The following NR2C2 variants were observed in gnomAD, a reference collection of about 807,000 sequenced individuals.
NR2C2 encodes the protein nuclear receptor subfamily 2 group C member 2, also known as Nuclear hormone receptor TR4.
A neutral mutation model predicts 62.9 loss-of-function variants in NR2C2; 6 were observed. The observed-to-expected ratio is 0.10, with a 90% CI of 0.05 to 0.19. The LOEUF (loss-of-function observed/expected upper bound fraction) is 0.19, where lower values mean the gene tolerates loss of function less well. NR2C2 is among the 10% of genes least tolerant of loss of function. The pLI, the probability that NR2C2 is intolerant of heterozygous loss-of-function variation, is 1.00. For missense variants in NR2C2, 479 were observed against 762.7 expected (o/e 0.63, Z 4.38); for synonymous variants, 272 against 273.8 (o/e 0.99, Z 0.07).
In NR2C2 at chr3:15,032,368, C is replaced by T. The variant is rs773920639; in HGVS notation, c.1111-11C>T. Reference sequence around the variant, plus strand: ...CTTCACCTCCTGTGCCATGTGCCTCCTCTTTTCCAGCTAACAATGCCCAGT... The same window carrying T: ...CTTCACCTCCTGTGCCATGTGCCTCTTCTTTTCCAGCTAACAATGCCCAGT... On this transcript the variant is annotated splice_polypyrimidine_tract_variant and intron_variant, in intron 9 of 13. Coordinates refer to ENST00000425241, the MANE Select transcript of NR2C2 (RefSeq NM_001291694.2). 8 of 1,614,090 alleles carry T rather than the reference C, an allele frequency of 5.0e-6. No homozygotes were observed. In the Admixed American group the frequency reaches 5.0e-5, roughly 10 times the overall value.
intron 1 of NR2C2, among the ~76,000 whole-genome samples, chr3:14,952,311 C>T (rs1368994604): frequency 3.9e-5 from 6 of 152,012 alleles, no homozygotes; most frequent in Non-Finnish European, 7.3e-5. Context: ...TCAGCCGTGG[C>T]ACTGAGCCAC....
chr3:14,950,454 C>A (rs2039319732), intron 1 of NR2C2, among the ~76,000 whole-genome samples: 1 of 146,018 alleles, frequency 6.8e-6, no homozygotes. Flanking sequence ...ATCTGTGGTA[C>A]CCCTAGCTTC....
chr3:15,037,209 TTGTGTGTGTGTG>T (rs373045181), intron 11 of NR2C2, among the ~76,000 whole-genome samples: 3,333 of 130,282 alleles, frequency 0.026, 103 homozygotes, highest in African/African-American at 0.09. Context: ...TGTTTTTTGT[TTGTGTGTGTGTG>T]TGTGTGTGTG....
Position 15,020,911 on chromosome 3 carries a change from G to C in NR2C2, c.535G>C (p.Glu179Gln). ...GTTTTGCCGGCTGAAAAAATGCTTAGAGATGGGCATGAAAATGGAATGTGA... is the reference window on the plus strand; with the variant it reads ...GTTTTGCCGGCTGAAAAAATGCTTACAGATGGGCATGAAAATGGAATGTGA... The part of the protein sequence containing the change: ...CQFCRLKKCL[E>Q]MGMKMESVQS... Residue 179 changes from glutamate to glutamine, a missense_variant, in exon 5 of 14, where the codon GAG (glutamate) becomes CAG (glutamine). Physicochemically the swap from Glu to Gln is conservative, Grantham distance 29 (BLOSUM62 2). Around this residue, in one of 4 missense-constraint regions of NR2C2, gnomAD observed 51 missense variants for 137.5 expected, o/e 0.37. Transcript: ENST00000425241. 1 of 1,614,128 alleles carries C rather than the reference G, an allele frequency of 6.2e-7. No homozygotes were observed. Among genetic ancestry groups the C allele is most frequent in the Non-Finnish European group, 8.5e-7 (1 of 1,179,978 alleles).
At chr3:15,023,040 A>G (rs974487313) in intron 5 of NR2C2, among the ~76,000 whole-genome samples, 160 bp from the exon 6 acceptor site, 1 of 152,004 alleles carries the variant, frequency 6.6e-6, no homozygotes. Flanking sequence ...GTTTGGCTTT[A>G]TTCCTTCTCT....
At chr3:15,032,637 A>G (rs2042009954) in intron 10 of NR2C2, 137 bp downstream of exon 10, 1 of 1,004,842 alleles carries the variant, frequency 1.0e-6, no homozygotes, top group Non-Finnish European at 1.5e-6. Flanking sequence ...GTTTTTTATT[A>G]AATATAGTTA....
At chr3:15,004,728 TTC>T (rs2041119016) in intron 2 of NR2C2, 1 of 1,228,736 alleles carries the variant, frequency 8.1e-7, no homozygotes, top group Admixed American at 2.6e-5. Context: ...AACGGTTGAT[TTC>T]TCTGTTTTTC....
intron 1 of NR2C2, among the ~76,000 whole-genome samples, chr3:15,001,749 C>T (rs969071664): frequency 2.0e-5 from 3 of 152,018 alleles, no homozygotes; most frequent in Admixed American, 6.6e-5. Flanking sequence ...ACTGAGTACC[C>T]GGGACTTACA....
At chr3:15,004,493 TAAC>T in intron 2 of NR2C2, 1 of 1,438,234 alleles carries the variant, frequency 7.0e-7, no homozygotes, top group Non-Finnish European at 9.4e-7. Context: ...AATTATATAA[TAAC>T]TTATTACTAA....
intron 5 of NR2C2, 78 bp from the exon 6 acceptor site, chr3:15,023,122 G>T: frequency 7.3e-6 from 11 of 1,514,284 alleles, no homozygotes; most frequent in Non-Finnish European, 7.2e-6. Flanking sequence ...CTGCAGTAAT[G>T]GATTTGGGGT....
intron 13 of NR2C2, among the ~76,000 whole-genome samples, chr3:15,041,210 T>C (rs150511617): frequency 2.6e-5 from 4 of 152,342 alleles, no homozygotes; most frequent in African/African-American, 9.6e-5. Context: ...TATCTTGATA[T>C]TTACTGTCTG....
intron 8 of NR2C2, 69 bp from the exon 9 acceptor site, chr3:15,030,206 T>A: frequency 7.7e-7 from 1 of 1,299,808 alleles, no homozygotes; most frequent in African/African-American, 1.5e-5. Context: ...TTCTAAATCA[T>A]AGCTAGAATT....
rs1181555354 is a variant in NR2C2, at chr3:15,047,494, G to T, written c.*4486G>T. On this transcript the variant is annotated 3_prime_UTR_variant, in exon 14 of 14. Transcript: ENST00000425241. ...CTGGAAGGAACTTGGCAGTTGGGTT[G>T]AGCCATCAGCCTTCCCAGCTATTCA... The T allele has an allele frequency of 6.6e-6, 1 of 152,216 alleles. No individual in the cohort carries two copies. Among genetic ancestry groups the T allele is most frequent in the Non-Finnish European group, 1.5e-5 (1 of 68,042 alleles). 9.4% of individuals were successfully genotyped at this position (152,216 alleles called of 1,614,324 possible).
intron 1 of NR2C2, among the ~76,000 whole-genome samples, chr3:14,982,733 A>G (rs867232397): frequency 6.6e-6 from 1 of 152,114 alleles, no homozygotes; most frequent in Non-Finnish European, 1.5e-5. Context: ...TGACAGTCTT[A>G]TCTTTTTCTT....
At chr3:14,993,841 A>C (rs978813399) in intron 1 of NR2C2, among the ~76,000 whole-genome samples, 2 of 152,178 alleles carry the variant, frequency 1.3e-5, no homozygotes, top group Non-Finnish European at 2.9e-5. Flanking sequence ...CAAGGGAATA[A>C]ATAAAATTTG....
rs1046939597 is a variant in NR2C2, at chr3:15,046,994, C to T, written c.*3986C>T. On this transcript the variant is annotated 3_prime_UTR_variant, in exon 14 of 14. Transcript: ENST00000425241. ...ACCAGCGTGCACTTCGTATGTCCAG[C>T]CCTGGGTCCCTTCAGCAGCATTGTG... 1.3e-5 allele frequency: 2 copies of T among 152,666 alleles called. No individual in the cohort carries two copies. The highest frequency in any genetic ancestry group is 2.9e-5 in the Non-Finnish European group (2 of 68,054). 9.5% of individuals were successfully genotyped at this position (152,666 alleles called of 1,614,324 possible).
chr3:14,948,105 A>C (rs1250120369), intron 1 of NR2C2, 199 bp downstream of exon 1: 2 of 151,202 alleles, frequency 1.3e-5, no homozygotes, highest in Non-Finnish European at 3.0e-5. Flanking sequence ...GGGCGAAGCG[A>C]GCGGGTTCCC....
intron 1 of NR2C2, among the ~76,000 whole-genome samples, chr3:15,001,355 A>T (rs541904735): frequency 2.7e-5 from 3 of 110,570 alleles, no homozygotes; most frequent in African/African-American, 7.4e-5. Flanking sequence ...TTTTTTGGAG[A>T]CAGAGTTTCA....
chr3:14,977,400 T>C (rs577260763), intron 1 of NR2C2, among the ~76,000 whole-genome samples: 16 of 152,318 alleles, frequency 1.1e-4, no homozygotes, highest in East Asian at 9.6e-4. Flanking sequence ...CTGGCTGTTA[T>C]TGCTTCTTCA....
Sources: allele counts gnomAD v4.1 joint callset (sites outside exome capture counted in the v4.1 genomes callset), GRCh38; gene constraint gnomAD v4.1.1; regional missense constraint gnomAD v4.1.1; transcripts MANE v1.5; gene names NCBI Gene and HGNC (gene_info 2026-07-23, HGNC 2026-07-21).